MAF: variants seen among roughly 807,000 people sequenced by gnomAD.
MAF encodes the protein transcription factor Maf.
In MAF, 10 loss-of-function variants were observed where a neutral mutation model predicts 22.0. The ratio of observed to expected loss-of-function variants is 0.45; its 90% CI spans 0.28 to 0.77. The LOEUF is 0.77. Among genes scored for constraint, MAF ranks in the 30% least tolerant of loss-of-function variants. The pLI, the probability that MAF is intolerant of heterozygous loss-of-function variation, is 0.12. For missense variants in MAF, 544 were observed against 548.4 expected (o/e 0.99, Z 0.08); for synonymous variants, 337 against 255.8 (o/e 1.32, Z -3.03).
At chr16:79,406,707 A>C in the MAF span, among the ~76,000 whole-genome samples, 2 of 152,196 alleles carry the variant, frequency 1.3e-5, no homozygotes, top group African/African-American at 4.8e-5. Flanking sequence ...AAGAAGAGTC[A>C]GATCTGAGAT....
the MAF span, among the ~76,000 whole-genome samples, chr16:79,216,054 T>C: frequency 1.3e-5 from 2 of 152,236 alleles, no homozygotes; most frequent in African/African-American, 2.4e-5. Context: ...GTGCATGGCA[T>C]AATTCCTATT....
chr16:79,374,734 G>A, the MAF span, among the ~76,000 whole-genome samples: 1 of 152,190 alleles, frequency 6.6e-6, no homozygotes, highest in Non-Finnish European at 1.5e-5. Flanking sequence ...CAAGCTGAGT[G>A]ACATGGGAAA....
At chr16:79,261,095 G>A in the MAF span, among the ~76,000 whole-genome samples, 3 of 152,146 alleles carry the variant, frequency 2.0e-5, no homozygotes, top group Non-Finnish European at 2.9e-5. Context: ...TGGACCGGGA[G>A]CAGGTGAGGA....
the MAF span, among the ~76,000 whole-genome samples, chr16:79,513,780 G>T: frequency 6.6e-6 from 1 of 152,142 alleles, no homozygotes; most frequent in East Asian, 1.9e-4. Flanking sequence ...TGTAGGACAC[G>T]TTCCATATAT....
At chr16:79,476,173 G>C in the MAF span, among the ~76,000 whole-genome samples, 2 of 152,108 alleles carry the variant, frequency 1.3e-5, no homozygotes, top group African/African-American at 2.4e-5. Flanking sequence ...AGGGAGTTCT[G>C]TCAATAACCA....
chr16:79,346,914 T>C, the MAF span, among the ~76,000 whole-genome samples: 1 of 152,158 alleles, frequency 6.6e-6, no homozygotes, highest in African/African-American at 2.4e-5. Flanking sequence ...GTCAAAATAA[T>C]CCCATTAGGT....
At chr16:79,291,257 C>A in the MAF span, among the ~76,000 whole-genome samples, 1 of 152,154 alleles carries the variant, frequency 6.6e-6, no homozygotes, top group Non-Finnish European at 1.5e-5. Context: ...CTGGCTTCCC[C>A]AAATCCCTTG....
chr16:79,221,334 GA>G, the MAF span, among the ~76,000 whole-genome samples: 5 of 152,064 alleles, frequency 3.3e-5, no homozygotes, highest in Non-Finnish European at 7.4e-5. Flanking sequence ...TCCTCCCTGG[GA>G]AAAAATTCAG....
the MAF span, among the ~76,000 whole-genome samples, chr16:79,260,008 A>G: frequency 5.3e-5 from 8 of 152,236 alleles, no homozygotes; most frequent in African/African-American, 1.7e-4. Context: ...GACTACCTGC[A>G]GTGAGCCCCA....
the MAF span, among the ~76,000 whole-genome samples, chr16:79,243,586 C>T: frequency 2.1e-4 from 32 of 151,866 alleles, no homozygotes; most frequent in Admixed American, 6.6e-5. Context: ...AGCCTACCAA[C>T]GAAAAAAAGT....
intron 1 of MAF, chr16:79,596,954 G>T: frequency 1.9e-6 from 2 of 1,047,884 alleles, no homozygotes; most frequent in Non-Finnish European, 2.3e-6. Flanking sequence ...CTTTAATTTT[G>T]AAAAGAAAAA....
chr16:79,253,504 C>G, the MAF span, among the ~76,000 whole-genome samples: 1 of 152,154 alleles, frequency 6.6e-6, no homozygotes, highest in Non-Finnish European at 1.5e-5. Flanking sequence ...CCTCCCTTCT[C>G]CAATTTTAGT....
At chr16:79,400,819 A>G in the MAF span, among the ~76,000 whole-genome samples, 21 of 152,346 alleles carry the variant, frequency 1.4e-4, no homozygotes, top group African/African-American at 5.1e-4. Context: ...GTCGACTTTC[A>G]ACCTTTTGTT....
chr16:79,518,148 C>G, the MAF span, among the ~76,000 whole-genome samples: 1 of 152,212 alleles, frequency 6.6e-6, no homozygotes, highest in Non-Finnish European at 1.5e-5. Flanking sequence ...TCCCATTTGG[C>G]AGGTGAAGAA....
At chr16:79,233,393 G>T in the MAF span, among the ~76,000 whole-genome samples, 1 of 151,980 alleles carries the variant, frequency 6.6e-6, no homozygotes, top group South Asian at 2.1e-4. Context: ...ACTGCAGGTG[G>T]TAACATTACA....
the MAF span, among the ~76,000 whole-genome samples, chr16:79,286,948 CA>C: frequency 1.3e-5 from 2 of 152,106 alleles, no homozygotes; most frequent in African/African-American, 4.8e-5. Flanking sequence ...GGCAAAAAAC[CA>C]AAAAACAAAC....
the MAF span, among the ~76,000 whole-genome samples, chr16:79,260,433 T>C: frequency 2.0e-5 from 3 of 149,044 alleles, no homozygotes; most frequent in Non-Finnish European, 4.5e-5. Context: ...ATCACAGATG[T>C]GAGCCACCAT....
the MAF span, among the ~76,000 whole-genome samples, chr16:79,362,198 A>T: frequency 6.6e-6 from 1 of 152,228 alleles, no homozygotes; most frequent in African/African-American, 2.4e-5. Context: ...CAAGGTAAGT[A>T]TGTAGACAAA....
chr16:79,546,091 A>T, the MAF span, among the ~76,000 whole-genome samples: 2 of 152,118 alleles, frequency 1.3e-5, no homozygotes, highest in African/African-American at 4.8e-5. Context: ...TGGAAAAAAT[A>T]AACAAAATGT....
Sources: allele counts gnomAD v4.1 joint callset (sites outside exome capture counted in the v4.1 genomes callset), GRCh38; gene constraint gnomAD v4.1.1; transcripts MANE v1.5; gene names NCBI Gene and HGNC (gene_info 2026-07-23, HGNC 2026-07-21).